Variants in TP63 observed in about 807,000 individuals in gnomAD.
The protein encoded by TP63 is tumor protein p63.
TP63 carries 17 observed loss-of-function variants against 82.8 expected under a neutral mutation model. The ratio of observed to expected loss-of-function variants is 0.21; its 90% CI spans 0.14 to 0.31. The LOEUF (loss-of-function observed/expected upper bound fraction) is 0.31, where lower values mean the gene tolerates loss of function less well. Ranked by LOEUF, TP63 falls within the 10% of genes least tolerant of loss-of-function variation. The pLI is 1.00. For missense variants in TP63, 648 were observed against 895.3 expected (o/e 0.72, Z 3.52); for synonymous variants, 330 against 321.7 (o/e 1.03, Z -0.28).
chr3:189,785,500 G>A (rs1724532229), intron 3 of TP63, among the ~76,000 whole-genome samples: 1 of 151,984 alleles, frequency 6.6e-6, no homozygotes. Flanking sequence ...AATAAGAGAA[G>A]GTTTAACTTC....
intron 4 of TP63, among the ~76,000 whole-genome samples, chr3:189,840,359 C>CTTTTTTTTTT: frequency 4.5e-5 from 2 of 44,446 alleles, no homozygotes; most frequent in Non-Finnish European, 3.9e-5. Flanking sequence ...TGCTTTTCGT[C>CTTTTTTTTTT]TTTTTTTTTT....
intron 3 of TP63, among the ~76,000 whole-genome samples, chr3:189,744,328 G>A (rs1721213505): frequency 6.6e-6 from 1 of 152,194 alleles, no homozygotes; most frequent in Admixed American, 6.5e-5. Context: ...GAGCTATGGT[G>A]TAGCTGCTGT....
At chr3:189,875,608 A>G (rs1718997425) in intron 10 of TP63, among the ~76,000 whole-genome samples, 2 of 65,946 alleles carry the variant, frequency 3.0e-5, no homozygotes, top group African/African-American at 1.1e-4. Flanking sequence ...ATATATATAT[A>G]TATATATATA....
intron 1 of TP63, among the ~76,000 whole-genome samples, chr3:189,712,257 A>C (rs1420949377): frequency 6.6e-6 from 1 of 152,188 alleles, no homozygotes; most frequent in Non-Finnish European, 1.5e-5. Flanking sequence ...TCAGTTTGTC[A>C]CAGAAATATG....
At chr3:189,838,424 A>G (rs1176188969) in intron 4 of TP63, among the ~76,000 whole-genome samples, 1 of 152,218 alleles carries the variant, frequency 6.6e-6, no homozygotes, top group Non-Finnish European at 1.5e-5. Context: ...GCTAATTAGA[A>G]TATTAAGTTT....
intron 1 of TP63, among the ~76,000 whole-genome samples, chr3:189,690,611 G>C (rs1361704859): frequency 6.6e-6 from 1 of 152,136 alleles, no homozygotes; most frequent in Non-Finnish European, 1.5e-5. Flanking sequence ...GTGATACCTG[G>C]CAGCTCAAGA....
At chr3:189,722,078 G>C (rs976712524) in intron 1 of TP63, among the ~76,000 whole-genome samples, 1 of 152,220 alleles carries the variant, frequency 6.6e-6, no homozygotes, top group Non-Finnish European at 1.5e-5. Flanking sequence ...CATTGCTTAA[G>C]AGGAGAGTAG....
At chr3:189,760,623 C>T (rs1250185552) in intron 3 of TP63, among the ~76,000 whole-genome samples, 2 of 152,148 alleles carry the variant, frequency 1.3e-5, no homozygotes, top group African/African-American at 4.8e-5. Context: ...TGTGGTTTTT[C>T]CAGGCACACA....
In TP63 at chr3:189,631,589, T is replaced by C. The variant is rs551557774; in HGVS notation, c.62+12T>C. 1 of 1,612,760 alleles carries C rather than the reference T, an allele frequency of 6.2e-7. No individual in the cohort carries two copies. Among genetic ancestry groups the C allele is most frequent in the African/African-American group, 1.3e-5 (1 of 74,970 alleles). On this transcript the variant is annotated intron_variant, in intron 1 of 13. Transcript: ENST00000264731. ...CCTTACATCCAGCGGTGAGTTTGAA[T>C]GTGACATAACTTCTCTCAAAACTTA...
chr3:189,834,731 C>T, intron 4 of TP63, among the ~76,000 whole-genome samples: 1 of 152,236 alleles, frequency 6.6e-6, no homozygotes, highest in East Asian at 1.9e-4. Context: ...GTGCTCTAGA[C>T]AGAGCAAGCA....
chr3:189,770,341 G>A (rs1265833807), intron 3 of TP63, among the ~76,000 whole-genome samples: 1 of 152,122 alleles, frequency 6.6e-6, no homozygotes, highest in African/African-American at 2.4e-5. Context: ...CACTTTGGGA[G>A]GCCGAGGCAG....
chr3:189,611,995 T>C, the TP63 span, among the ~76,000 whole-genome samples: 1 of 152,336 alleles, frequency 6.6e-6, no homozygotes, highest in Admixed American at 6.5e-5. Context: ...GAGACTTTGC[T>C]GAAGTTGTTT....
chr3:189,770,241 T>TA (rs1723238519), intron 3 of TP63, among the ~76,000 whole-genome samples: 1 of 152,226 alleles, frequency 6.6e-6, no homozygotes, highest in South Asian at 2.1e-4. Flanking sequence ...TAGAATTTTT[T>TA]ATCTGTTGCT....
chr3:189,815,630 T>C (rs1728101454), intron 4 of TP63, among the ~76,000 whole-genome samples: 2 of 152,160 alleles, frequency 1.3e-5, no homozygotes, highest in Admixed American at 6.5e-5. Flanking sequence ...AAAAAAAAGT[T>C]GTAAAACACT....
intron 11 of TP63, among the ~76,000 whole-genome samples, 173 bp from the exon 12 acceptor site, chr3:189,889,167 C>T (rs766281443): frequency 1.3e-5 from 2 of 152,116 alleles, no homozygotes; most frequent in Non-Finnish European, 1.5e-5. Flanking sequence ...GGAGTCTGAC[C>T]GTTCTGTTTG....
Position 189,806,049 on chromosome 3 carries a change from T to A in TP63, c.325-2223T>A, listed in dbSNP as rs557399862. 6.7e-3 allele frequency among the ~76,000 whole-genome samples: 984 copies of A among 146,072 alleles called. 6 individuals carry two copies. The highest frequency in any genetic ancestry group is 0.014 in the Middle Eastern group (4 of 282). ...ACAACAGAAGCAAACACTTTTTTTT[T>A]TTTTTTTTTTTTTTTTTTGCCCCTT... is the stretch of plus-strand genomic sequence containing the variant. On this transcript the variant is annotated intron_variant, in intron 3 of 13. Transcript: ENST00000264731.
chr3:189,691,066 G>A (rs149435428), intron 1 of TP63, among the ~76,000 whole-genome samples: 250 of 152,244 alleles, frequency 1.6e-3, no homozygotes, highest in African/African-American at 5.7e-3. Context: ...GCTCGGTGCA[G>A]TGGCTCACAC....
rs1194624906 is a variant in TP63, at chr3:189,890,783, C to T, written c.1653-6C>T. ...TCCTCCTTCCTCTTCCCTCCTCCCT[C>T]TGCAGTTTCTTAGCGAGGTTGGGCT... On this transcript the variant is annotated splice_polypyrimidine_tract_variant and splice_region_variant and intron_variant, in intron 12 of 13. Coordinates refer to ENST00000264731, the MANE Select transcript of TP63 (RefSeq NM_003722.5). 2.5e-6 allele frequency: 4 copies of T among 1,613,774 alleles called. No individual in the cohort carries two copies. Among genetic ancestry groups the T allele is most frequent in the East Asian group, 2.2e-5 (1 of 44,886 alleles).
chr3:189,856,053 T>A (rs1716255507), intron 4 of TP63, among the ~76,000 whole-genome samples: 1 of 151,786 alleles, frequency 6.6e-6, no homozygotes, highest in South Asian at 2.1e-4. Flanking sequence ...AGTTCTTAGC[T>A]ATAGAAGATA....
Sources: allele counts gnomAD v4.1 joint callset (sites outside exome capture counted in the v4.1 genomes callset), GRCh38; gene constraint gnomAD v4.1.1; transcripts MANE v1.5; gene names NCBI Gene and HGNC (gene_info 2026-07-23, HGNC 2026-07-21).